Variants in ATE1 observed in about 807,000 individuals in gnomAD.
ATE1 encodes arginyl-tRNA--protein transferase 1.
A neutral mutation model predicts 70.5 loss-of-function variants in ATE1; 36 were observed. That is an observed-to-expected ratio of 0.51 (90% confidence interval 0.39 to 0.67). ATE1 has a LOEUF of 0.67. Among genes scored for constraint, ATE1 ranks in the 30% least tolerant of loss-of-function variants. ATE1 has a pLI of 0.00. For synonymous variants in ATE1, 232 were observed against 219.3 expected (o/e 1.06, Z -0.51); for missense variants, 593 against 629.5 (o/e 0.94, Z 0.62).
chr10:121,869,957 T>C (rs1177066052), intron 8 of ATE1, 49 bp downstream of exon 8: 2 of 1,499,448 alleles, frequency 1.3e-6, no homozygotes, highest in Admixed American at 1.7e-5. Flanking sequence ...ATATCAACAA[T>C]GGTGTTCAAT....
chr10:121,875,085 G>T (rs1273206291), intron 7 of ATE1, among the ~76,000 whole-genome samples: 1 of 143,704 alleles, frequency 7.0e-6, no homozygotes, highest in East Asian at 2.1e-4. Flanking sequence ...CTTGCAGTGA[G>T]TCGAGACCGC....
intron 10 of ATE1, among the ~76,000 whole-genome samples, chr10:121,809,720 T>G (rs1352673137): frequency 1.3e-5 from 2 of 151,832 alleles, no homozygotes; most frequent in African/African-American, 4.8e-5. Flanking sequence ...CAAAAGGCAC[T>G]TAGGGACTTA....
At chr10:121,901,169 A>G (rs1439242489) in intron 6 of ATE1, among the ~76,000 whole-genome samples, 6 of 152,084 alleles carry the variant, frequency 3.9e-5, no homozygotes, top group African/African-American at 1.4e-4. Flanking sequence ...CAGAAGGCTG[A>G]GACAGGAGAA....
intron 11 of ATE1, among the ~76,000 whole-genome samples, chr10:121,745,981 TATTTA>T (rs1944354808): frequency 6.6e-6 from 1 of 152,216 alleles, no homozygotes; most frequent in African/African-American, 2.4e-5. Flanking sequence ...ATAGTTATTT[TATTTA>T]AAAGTCCAAT....
At chr10:121,823,747 G>A (rs1310598719) in intron 10 of ATE1, among the ~76,000 whole-genome samples, 8 of 152,112 alleles carry the variant, frequency 5.3e-5, no homozygotes, top group Admixed American at 2.6e-4. Context: ...TTAGACAAAG[G>A]ATCAGAAAAA....
At chr10:121,927,051 T>C in intron 1 of ATE1, 1 of 985,476 alleles carries the variant, frequency 1.0e-6, no homozygotes, top group Non-Finnish European at 1.2e-6. Flanking sequence ...TCCACAAAGC[T>C]AGACTGTTCT....
At chr10:121,908,804 T>C (rs906786914) in intron 5 of ATE1, among the ~76,000 whole-genome samples, 25 of 152,032 alleles carry the variant, frequency 1.6e-4, no homozygotes, top group Admixed American at 4.6e-4. Context: ...GGCAAAAAAA[T>C]AGACAAAAGA....
chr10:121,927,004 T>C (rs2134672680), intron 1 of ATE1: 2 of 985,434 alleles, frequency 2.0e-6, no homozygotes, highest in Non-Finnish European at 1.2e-6. Context: ...ACCTTTTTCA[T>C]GGAAAATGCC....
intron 7 of ATE1, among the ~76,000 whole-genome samples, chr10:121,899,371 GTTC>G (rs1950895482): frequency 6.6e-6 from 1 of 152,096 alleles, no homozygotes; most frequent in African/African-American, 2.4e-5. Flanking sequence ...TAGCATATGA[GTTC>G]TTCTATTAAA....
chr10:121,877,528 A>G (rs1413553748), intron 7 of ATE1, among the ~76,000 whole-genome samples: 1 of 152,148 alleles, frequency 6.6e-6, no homozygotes, highest in Non-Finnish European at 1.5e-5. Context: ...AAAGACTCAT[A>G]TCAGAGAATA....
intron 11 of ATE1, among the ~76,000 whole-genome samples, chr10:121,759,785 A>G (rs1004934769): frequency 6.6e-6 from 1 of 152,154 alleles, no homozygotes; most frequent in African/African-American, 2.4e-5. Context: ...AGCTACAGCA[A>G]GTTACCCTGA....
chr10:121,806,138 A>G (rs1292401882), intron 10 of ATE1, among the ~76,000 whole-genome samples: 1 of 152,208 alleles, frequency 6.6e-6, no homozygotes, highest in Non-Finnish European at 1.5e-5. Flanking sequence ...ATAAAAAGGA[A>G]ACTCAAATGA....
At chr10:121,831,214 T>C (rs1454416860) in intron 10 of ATE1, among the ~76,000 whole-genome samples, 1 of 152,254 alleles carries the variant, frequency 6.6e-6, no homozygotes, top group Non-Finnish European at 1.5e-5. Context: ...TGTTAGATAC[T>C]GTTTCGAATA....
chr10:121,805,517 T>C (rs563442330), intron 10 of ATE1, among the ~76,000 whole-genome samples: 3 of 152,160 alleles, frequency 2.0e-5, no homozygotes, highest in Non-Finnish European at 4.4e-5. Flanking sequence ...TGGCTGTACA[T>C]ACATACAATA....
intron 10 of ATE1, among the ~76,000 whole-genome samples, chr10:121,820,179 A>G (rs940942234): frequency 4.0e-5 from 6 of 151,848 alleles, no homozygotes; most frequent in African/African-American, 1.5e-4. Flanking sequence ...ATAAATAAAC[A>G]CCACACACAA....
At chr10:121,903,003 C>T (rs1253742035) in intron 5 of ATE1, among the ~76,000 whole-genome samples, 1 of 145,870 alleles carries the variant, frequency 6.9e-6, no homozygotes, top group Non-Finnish European at 1.5e-5. Context: ...GTAGCTGGGA[C>T]TACAGGTGTG....
At chr10:121,758,620 T>G (rs1423110290) in intron 11 of ATE1, among the ~76,000 whole-genome samples, 1 of 152,238 alleles carries the variant, frequency 6.6e-6, no homozygotes, top group Non-Finnish European at 1.5e-5. Flanking sequence ...TTTAGTGTGC[T>G]TCTCAGATAT....
At chr10:121,771,784 G>A (rs534645021) in intron 11 of ATE1, among the ~76,000 whole-genome samples, 1 of 152,126 alleles carries the variant, frequency 6.6e-6, no homozygotes, top group South Asian at 2.1e-4. Flanking sequence ...AAAATGGAAT[G>A]AGCAAAACAG....
At chr10:121,831,322 C>CT (rs1948225544) in intron 10 of ATE1, among the ~76,000 whole-genome samples, 1 of 152,156 alleles carries the variant, frequency 6.6e-6, no homozygotes. Flanking sequence ...TCTTGGAACA[C>CT]TAACTCATAT....
Sources: allele counts gnomAD v4.1 joint callset (sites outside exome capture counted in the v4.1 genomes callset), GRCh38; gene constraint gnomAD v4.1.1; transcripts MANE v1.5; gene names NCBI Gene and HGNC (gene_info 2026-07-23, HGNC 2026-07-21).